The following GPR39 variants were observed in gnomAD, a reference collection of about 807,000 sequenced individuals.
The protein encoded by GPR39 is zinc sensing receptor.
In GPR39, 23 loss-of-function variants were observed where a neutral mutation model predicts 18.4. That is an observed-to-expected ratio of 1.25 (90% CI 0.90 to 1.77). The LOEUF (loss-of-function observed/expected upper bound fraction) is 1.77. GPR39 is among the 40% of genes most tolerant of loss of function. The probability of loss-of-function intolerance (pLI) is 0.00; values close to 1 mark genes in which losing one functional copy is unlikely to be tolerated. For missense variants in GPR39, 647 were observed against 602.4 expected, an observed-to-expected ratio of 1.07 and a Z score of -0.78; for synonymous variants, 280 against 257.9, an observed-to-expected ratio of 1.09 and a Z score of -0.82.
chr2:132,440,101 C>T (rs1680406906), intron 1 of GPR39, among the ~76,000 whole-genome samples: 1 of 152,156 alleles, frequency 6.6e-6, no homozygotes. Context: ...CTCCCTGAAG[C>T]TCAGCCCTAG....
chr2:132,629,491 G>A (rs1379626205), intron 1 of GPR39, among the ~76,000 whole-genome samples: 2 of 152,186 alleles, frequency 1.3e-5, no homozygotes, highest in Non-Finnish European at 2.9e-5. Flanking sequence ...TTCATATAAT[G>A]TGAATTATGT....
chr2:132,515,526 C>T (rs145494597), intron 1 of GPR39, among the ~76,000 whole-genome samples: 33 of 152,268 alleles, frequency 2.2e-4, no homozygotes, highest in Non-Finnish European at 4.3e-4. Context: ...GCAATATCCC[C>T]AAATATGGTA....
intron 1 of GPR39, among the ~76,000 whole-genome samples, chr2:132,624,584 T>C (rs1002477737): frequency 6.6e-6 from 1 of 152,210 alleles, no homozygotes; most frequent in African/African-American, 2.4e-5. Context: ...TGTGTCCTCT[T>C]GTACTTATTC....
At chr2:132,419,207 T>A (rs780906605) in intron 1 of GPR39, among the ~76,000 whole-genome samples, 11 of 152,264 alleles carry the variant, frequency 7.2e-5, no homozygotes, top group Admixed American at 2.6e-4. Flanking sequence ...GGTGACCAGC[T>A]GACTTGACTT....
At position 132,436,375 on chromosome 2, in the gene GPR39, C is replaced by G. The variant is rs147749984; in HGVS notation, c.856+18477C>G. 3.9e-3 allele frequency among the ~76,000 whole-genome samples: 599 copies of G among 152,252 alleles called. 4 individuals carry two copies. The highest frequency in any genetic ancestry group is 0.013 in the African/African-American group (547 of 41,530). ...AAAATGACTTTCACTGTGAAGTAAACAGTTGATTGTTTAGACATTACTTAT... is the reference window on the plus strand; with the variant it reads ...AAAATGACTTTCACTGTGAAGTAAAGAGTTGATTGTTTAGACATTACTTAT... On this transcript the variant is annotated intron_variant, in intron 1 of 1. Transcript: ENST00000329321.
intron 1 of GPR39, among the ~76,000 whole-genome samples, chr2:132,553,334 T>G (rs1319543013): frequency 6.7e-6 from 1 of 149,420 alleles, no homozygotes; most frequent in Non-Finnish European, 1.5e-5. Flanking sequence ...TGTGTGTGTG[T>G]GTATGTATAT....
chr2:132,444,878 T>C (rs1021534091), intron 1 of GPR39, among the ~76,000 whole-genome samples: 5 of 152,132 alleles, frequency 3.3e-5, no homozygotes, highest in Admixed American at 6.5e-5. Flanking sequence ...TGGACAAATA[T>C]TGAGTCAGTC....
intron 1 of GPR39, among the ~76,000 whole-genome samples, chr2:132,602,558 C>G (rs1681061275): frequency 6.6e-6 from 1 of 151,974 alleles, no homozygotes; most frequent in Non-Finnish European, 1.5e-5. Flanking sequence ...AACTAAAAAG[C>G]TTCTGCACAG....
intron 1 of GPR39, among the ~76,000 whole-genome samples, chr2:132,535,005 AAC>A (rs1553454908): frequency 4.6e-5 from 7 of 151,698 alleles, no homozygotes; most frequent in African/African-American, 1.7e-4. Flanking sequence ...TTAAAAAAAA[AAC>A]ATGTCATCTG....
At chr2:132,589,730 A>G (rs531985854) in intron 1 of GPR39, among the ~76,000 whole-genome samples, 9 of 152,322 alleles carry the variant, frequency 5.9e-5, no homozygotes, top group Non-Finnish European at 1.3e-4. Context: ...GTATTTCCCA[A>G]ACAAAAGGTG....
At chr2:132,522,628 G>T (rs1440697664) in intron 1 of GPR39, among the ~76,000 whole-genome samples, 2 of 152,176 alleles carry the variant, frequency 1.3e-5, no homozygotes, top group African/African-American at 4.8e-5. Flanking sequence ...CCCAATATGG[G>T]GGACAGCAAG....
intron 1 of GPR39, among the ~76,000 whole-genome samples, chr2:132,520,481 G>C (rs1679402320): frequency 6.6e-6 from 1 of 152,204 alleles, no homozygotes; most frequent in Admixed American, 6.5e-5. Context: ...TTTCCTCTCT[G>C]TTGGAAGATG....
At chr2:132,474,969 T>C (rs1056578042) in intron 1 of GPR39, among the ~76,000 whole-genome samples, 9 of 152,156 alleles carry the variant, frequency 5.9e-5, no homozygotes, top group Admixed American at 5.9e-4. Flanking sequence ...TTTTACAGAG[T>C]AAATCCACTC....
intron 1 of GPR39, among the ~76,000 whole-genome samples, chr2:132,440,708 G>A (rs1199834982): frequency 6.6e-6 from 1 of 152,116 alleles, no homozygotes; most frequent in Non-Finnish European, 1.5e-5. Context: ...AAGTACTTTA[G>A]AGAATGTCCT....
intron 1 of GPR39, among the ~76,000 whole-genome samples, chr2:132,585,830 G>A (rs1251303621): frequency 6.6e-6 from 1 of 152,078 alleles, no homozygotes; most frequent in East Asian, 1.9e-4. Context: ...TTGGCATTCT[G>A]GTGTCCCTCG....
At chr2:132,535,753 G>T (rs1187094190) in intron 1 of GPR39, among the ~76,000 whole-genome samples, 2 of 143,044 alleles carry the variant, frequency 1.4e-5, no homozygotes, top group Non-Finnish European at 3.0e-5. Flanking sequence ...ACTTGTTATT[G>T]GTCTATTCAG....
At chr2:132,599,106 A>C (rs1680997685) in intron 1 of GPR39, among the ~76,000 whole-genome samples, 1 of 152,062 alleles carries the variant, frequency 6.6e-6, no homozygotes, top group Non-Finnish European at 1.5e-5. Flanking sequence ...TTTAACCAGG[A>C]GCTCTCAAGG....
chr2:132,594,389 C>T (rs368994535), intron 1 of GPR39, among the ~76,000 whole-genome samples: 1 of 151,784 alleles, frequency 6.6e-6, no homozygotes, highest in Non-Finnish European at 1.5e-5. Flanking sequence ...GCATGTCTTG[C>T]CTCCTCAATA....
At chr2:132,452,638 C>T (rs1680650427) in intron 1 of GPR39, among the ~76,000 whole-genome samples, 1 of 151,786 alleles carries the variant, frequency 6.6e-6, no homozygotes, top group Non-Finnish European at 1.5e-5. Context: ...GTCCCCCACC[C>T]CCCAATAGGC....
Sources: allele counts gnomAD v4.1 joint callset (sites outside exome capture counted in the v4.1 genomes callset), GRCh38; gene constraint gnomAD v4.1.1; transcripts MANE v1.5; gene names NCBI Gene and HGNC (gene_info 2026-07-23, HGNC 2026-07-21).